The following NFIB variants were observed in gnomAD, a reference collection of about 807,000 sequenced individuals.
The protein encoded by NFIB is nuclear factor I B, also known as nuclear factor 1 B-type.
In NFIB, 11 loss-of-function variants were observed where a neutral mutation model predicts 61.5. That is an observed-to-expected ratio of 0.18 (90% CI 0.11 to 0.30). The LOEUF (loss-of-function observed/expected upper bound fraction) is 0.30, where lower values mean the gene tolerates loss of function less well. NFIB is among the 10% of genes least tolerant of loss of function. NFIB has a pLI of 1.00. For synonymous variants in NFIB, 260 were observed against 216.5 expected (o/e 1.20, Z -1.76); for missense variants, 471 against 608.9 (o/e 0.77, Z 2.38).
At chr9:14,513,920 G>T in the NFIB span, among the ~76,000 whole-genome samples, 1 of 152,174 alleles carries the variant, frequency 6.6e-6, no homozygotes, top group Non-Finnish European at 1.5e-5. Flanking sequence ...TTAATAGTGA[G>T]TGACAGATAC....
At chr9:14,335,164 A>G (rs1051642598) in intron 1 of NFIB, among the ~76,000 whole-genome samples, 3 of 152,204 alleles carry the variant, frequency 2.0e-5, no homozygotes, top group Admixed American at 6.5e-5. Context: ...TTGTATGGAC[A>G]TGTACTTTCA....
intron 2 of NFIB, among the ~76,000 whole-genome samples, chr9:14,270,280 C>A (rs923732948): frequency 3.3e-5 from 5 of 152,076 alleles, no homozygotes; most frequent in Non-Finnish European, 7.4e-5. Context: ...TTTATCATTT[C>A]TTATTTACCT....
chr9:14,083,622 G>A lies in NFIB; in HGVS notation c.*4687C>T, dbSNP rs2032387624. The A allele has an allele frequency of 4.4e-6, 1 of 228,088 alleles. No homozygotes were observed. The highest frequency in any genetic ancestry group is 8.7e-6 in the Non-Finnish European group (1 of 114,582). The allele number at this position is 228,088 out of a possible 1,614,324, so 14.1% of individuals were successfully genotyped here. On this transcript the variant is annotated 3_prime_UTR_variant, in exon 11 of 11. Transcript: ENST00000380953. ...TGTCATGCTTGGGGCCTATCTGCCA[G>A]CAATATTGTAGAGTTGTTTCATTAA...
At chr9:14,441,664 C>T in the NFIB span, among the ~76,000 whole-genome samples, 1 of 151,786 alleles carries the variant, frequency 6.6e-6, no homozygotes, top group African/African-American at 2.4e-5. Context: ...AAGCAGCTTC[C>T]TGGGGGGTCA....
intron 2 of NFIB, among the ~76,000 whole-genome samples, chr9:14,255,774 T>G (rs2056161722): frequency 6.6e-6 from 1 of 152,232 alleles, no homozygotes; most frequent in South Asian, 2.1e-4. Flanking sequence ...TTGGTGTGTT[T>G]TGTGAAGCAC....
upstream of NFIB, among the ~76,000 whole-genome samples, chr9:14,402,257 G>A (rs1032138418): frequency 6.6e-6 from 1 of 152,196 alleles, no homozygotes; most frequent in African/African-American, 2.4e-5. Context: ...ATTTTGGGAG[G>A]CAGAGGCAAA....
the NFIB span, among the ~76,000 whole-genome samples, chr9:14,488,977 T>A: frequency 6.6e-6 from 1 of 152,138 alleles, no homozygotes. Context: ...CATTTGAAAA[T>A]GACATAACAG....
intron 1 of NFIB, among the ~76,000 whole-genome samples, chr9:14,332,728 A>C (rs2060837482): frequency 6.6e-6 from 1 of 152,242 alleles, no homozygotes; most frequent in African/African-American, 2.4e-5. Context: ...TCAGGCAACA[A>C]GTGAATGCCT....
the NFIB span, among the ~76,000 whole-genome samples, chr9:14,515,988 G>C: frequency 6.6e-6 from 1 of 152,246 alleles, no homozygotes; most frequent in Non-Finnish European, 1.5e-5. Flanking sequence ...CCCTCCAGGG[G>C]AGCGGCTCCG....
rs753989552 is a variant in NFIB at position 14,307,341 on chromosome 9, C to G, written c.210G>C (p.Gln70His). 1.9e-6 allele frequency: 3 copies of G among 1,614,054 alleles called. No individual in the cohort carries two copies. In the South Asian group the frequency reaches 3.3e-5, roughly 18 times the overall value. The stretch of plus-strand genomic sequence containing the variant: ...TGGCAAGGAGCCTGGATGCCCACTT[C>G]TGTTTGATTTCAGGCTTTTCACTGA... ...ELLSEKPEIKQKWASRLLAKL... is the reference protein window; with the variant it reads ...ELLSEKPEIKHKWASRLLAKL... The change falls in exon 2 of 11, where the codon CAG becomes CAC. Residue 70 changes from glutamine to histidine, a missense_variant. This residue lies in a region of NFIB where 99 missense variants were observed against 213.3 expected (regional missense o/e 0.46). Transcript: ENST00000380953. The surrounding 1 kb of genome is among the most constrained non-coding windows in gnomAD (Gnocchi z 5.3).
At chr9:14,409,142 A>C in the NFIB span, among the ~76,000 whole-genome samples, 1 of 152,218 alleles carries the variant, frequency 6.6e-6, no homozygotes, top group Admixed American at 6.5e-5. Context: ...CATCATGGAT[A>C]AATAACCTCG....
chr9:14,482,860 T>C, the NFIB span, among the ~76,000 whole-genome samples: 1 of 152,232 alleles, frequency 6.6e-6, no homozygotes, highest in Non-Finnish European at 1.5e-5. Context: ...ATTGACTACA[T>C]AATTTGTATT....
At chr9:14,202,385 G>A (rs1246242786) in intron 2 of NFIB, among the ~76,000 whole-genome samples, 1 of 152,126 alleles carries the variant, frequency 6.6e-6, no homozygotes, top group South Asian at 2.1e-4. Flanking sequence ...TTATCTTTCA[G>A]AATAGATGAA....
At chr9:14,382,663 G>A (rs1265291963) in intron 1 of NFIB, among the ~76,000 whole-genome samples, 2 of 152,044 alleles carry the variant, frequency 1.3e-5, no homozygotes, top group Non-Finnish European at 2.9e-5. Context: ...CGTGTGCAAG[G>A]AAGCTCCTAG....
chr9:14,218,193 G>C (rs901405936), intron 2 of NFIB, among the ~76,000 whole-genome samples: 1 of 152,248 alleles, frequency 6.6e-6, no homozygotes, highest in East Asian at 1.9e-4. Flanking sequence ...TGAAGAAAAA[G>C]GCCAGTTGTA....
chr9:14,473,802 C>T, the NFIB span, among the ~76,000 whole-genome samples: 2 of 152,176 alleles, frequency 1.3e-5, no homozygotes, highest in African/African-American at 2.4e-5. Context: ...TTTATGTCTC[C>T]ACTTTTGCTG....
At chr9:14,387,448 AT>A (rs2061562038) in intron 1 of NFIB, among the ~76,000 whole-genome samples, 1 of 152,222 alleles carries the variant, frequency 6.6e-6, no homozygotes, top group African/African-American at 2.4e-5. Flanking sequence ...TTGGAGTAAA[AT>A]ATTTGCAATG....
chr9:14,229,306 A>T (rs1277139384), intron 2 of NFIB, among the ~76,000 whole-genome samples: 1 of 152,178 alleles, frequency 6.6e-6, no homozygotes, highest in Non-Finnish European at 1.5e-5. Flanking sequence ...AATGCAACTC[A>T]ACCATCATAC....
At chr9:14,089,473 A>G (rs1482475565) in intron 10 of NFIB, among the ~76,000 whole-genome samples, 2 of 152,144 alleles carry the variant, frequency 1.3e-5, no homozygotes, top group African/African-American at 4.8e-5. Context: ...ACATATCATG[A>G]AACAACTCTA....
Sources: allele counts gnomAD v4.1 joint callset (sites outside exome capture counted in the v4.1 genomes callset), GRCh38; gene constraint gnomAD v4.1.1; regional missense constraint gnomAD v4.1.1; non-coding constraint Gnocchi (gnomAD v3.1); transcripts MANE v1.5; gene names NCBI Gene and HGNC (gene_info 2026-07-23, HGNC 2026-07-21).